RTN4RL2: variants seen among roughly 807,000 people sequenced by gnomAD.
RTN4RL2 encodes reticulon-4 receptor-like 2.
In RTN4RL2, 9 loss-of-function variants were observed where a neutral mutation model predicts 27.8. The observed-to-expected ratio is 0.32, with a 90% CI of 0.20 to 0.57. The LOEUF (loss-of-function observed/expected upper bound fraction) is 0.57. Ranked by LOEUF, RTN4RL2 falls within the 20% of genes least tolerant of loss-of-function variation. The pLI, the probability that RTN4RL2 is intolerant of heterozygous loss-of-function variation, is 0.90. For synonymous variants in RTN4RL2, 285 were observed against 297.9 expected, an observed-to-expected ratio of 0.96 and a Z score of 0.45; for missense variants, 436 against 596.8, an observed-to-expected ratio of 0.73 and a Z score of 2.81.
intron 1 of RTN4RL2, among the ~76,000 whole-genome samples, chr11:57,464,092 G>A (rs997093438): frequency 6.6e-6 from 1 of 152,238 alleles, no homozygotes; most frequent in African/African-American, 2.4e-5. Flanking sequence ...GCACGGGGTC[G>A]CTCTTCAGAG....
At chr11:57,466,947 G>A (rs1943530098) in intron 1 of RTN4RL2, among the ~76,000 whole-genome samples, 1 of 152,218 alleles carries the variant, frequency 6.6e-6, no homozygotes, top group African/African-American at 2.4e-5. Flanking sequence ...CGGCCCAACT[G>A]TCAATACTGA....
At chr11:57,468,629 G>A in intron 2 of RTN4RL2, 3 of 1,536,484 alleles carry the variant, frequency 2.0e-6, no homozygotes, top group Non-Finnish European at 2.6e-6. Flanking sequence ...ACATCACGGT[G>A]AAGTAGAGAG....
chr11:57,464,589 G>A (rs1469042711), intron 1 of RTN4RL2, among the ~76,000 whole-genome samples: 1 of 152,186 alleles, frequency 6.6e-6, no homozygotes, highest in Non-Finnish European at 1.5e-5. Flanking sequence ...GACTTTTCTG[G>A]CCCTTTCCCT....
chr11:57,463,066 TAAAG>T (rs936533335), intron 1 of RTN4RL2, among the ~76,000 whole-genome samples: 1 of 152,186 alleles, frequency 6.6e-6, no homozygotes, highest in Non-Finnish European at 1.5e-5. Context: ...GGCCACCTCT[TAAAG>T]AAAGATCAGA....
chr11:57,472,731 C>T (rs1943571201), intron 2 of RTN4RL2, among the ~76,000 whole-genome samples: 1 of 152,184 alleles, frequency 6.6e-6, no homozygotes, highest in South Asian at 2.1e-4. Flanking sequence ...ATGTCTGGTA[C>T]AAAGTGAGTA....
At chr11:57,465,392 C>T (rs1590730583) in intron 1 of RTN4RL2, among the ~76,000 whole-genome samples, 1 of 152,228 alleles carries the variant, frequency 6.6e-6, no homozygotes, top group Admixed American at 6.5e-5. Flanking sequence ...AGACCCCACA[C>T]TCAAAATCAC....
At chr11:57,465,969 T>C (rs1181888138) in intron 1 of RTN4RL2, among the ~76,000 whole-genome samples, 1 of 146,386 alleles carries the variant, frequency 6.8e-6, no homozygotes, top group South Asian at 2.2e-4. Flanking sequence ...CTGAGCAACA[T>C]AGCAAGACCC....
chr11:57,476,774 G>A lies in RTN4RL2; in HGVS notation c.1126G>A (p.Gly376Ser). ...TEDDYWGGYG[G>S]EDQRGEQMCP... ...GGACGACTACTGGGGGGGCTACGGGGGTGAGGACCAGCGAGGGGAGCAGAT... is the reference window on the plus strand; with the variant it reads ...GGACGACTACTGGGGGGGCTACGGGAGTGAGGACCAGCGAGGGGAGCAGAT... The change falls in exon 3 of 3, where the codon GGT becomes AGT. Residue 376 changes from glycine (G) to serine (S), a missense_variant. Gly to Ser is a moderately conservative substitution (Grantham distance 56). Coordinates refer to ENST00000335099, the MANE Select transcript of RTN4RL2 (RefSeq NM_178570.3). This position sits in a 1 kb window ranked among gnomAD's most constrained non-coding sequence, Gnocchi z 8.2. 1.3e-6 allele frequency: 2 copies of A among 1,488,838 alleles called. No individual in the cohort carries two copies. Among genetic ancestry groups the A allele is most frequent in the Non-Finnish European group, 1.8e-6 (2 of 1,126,638 alleles). The allele number at this position is 1,488,838 out of a possible 1,614,324, so 92.2% of individuals were successfully genotyped here.
At chr11:57,464,087 G>A (rs1009620492) in intron 1 of RTN4RL2, among the ~76,000 whole-genome samples, 1 of 152,226 alleles carries the variant, frequency 6.6e-6, no homozygotes, top group Non-Finnish European at 1.5e-5. Context: ...CCCCAGCACG[G>A]GGTCGCTCTT....
chr11:57,476,762 G>A lies in RTN4RL2; in HGVS notation c.1114G>A (p.Gly372Arg), dbSNP rs765851849. The A allele has an allele frequency of 1.4e-6, 2 of 1,471,312 alleles. No homozygotes were observed. The highest frequency in any genetic ancestry group is 1.8e-6 in the Non-Finnish European group (2 of 1,118,672). The allele number at this position is 1,471,312 out of a possible 1,614,324, so 91.1% of individuals were successfully genotyped here. A position where few individuals can be genotyped will look rare whatever the true frequency, so the allele number is the denominator to read the frequency against. Residue 372 changes from glycine (G) to arginine (R), a missense_variant, in exon 3 of 3, where the codon GGG becomes AGG. Gly to Arg is a moderately radical substitution (Grantham distance 125, BLOSUM62 -2). Transcript: ENST00000335099. This position sits in a 1 kb window ranked among gnomAD's most constrained non-coding sequence, Gnocchi z 8.2. ...GDAPTEDDYWGGYGGEDQRGE... is the reference protein window; with the variant it reads ...GDAPTEDDYWRGYGGEDQRGE... The stretch of plus-strand genomic sequence containing the variant: ...CGCGCCTACTGAGGACGACTACTGG[G>A]GGGGCTACGGGGGTGAGGACCAGCG...
intron 1 of RTN4RL2, among the ~76,000 whole-genome samples, chr11:57,463,014 G>T (rs1428135673): frequency 6.6e-6 from 1 of 152,246 alleles, no homozygotes; most frequent in Non-Finnish European, 1.5e-5. Flanking sequence ...TACCTCAAGG[G>T]CAGTGTCTCA....
chr11:57,463,749 G>T (rs1009548851), intron 1 of RTN4RL2, among the ~76,000 whole-genome samples: 1 of 152,106 alleles, frequency 6.6e-6, no homozygotes, highest in East Asian at 1.9e-4. Context: ...GTGAGAACAG[G>T]GGGTGGGGAA....
chr11:57,462,270 G>A (rs183092444), intron 1 of RTN4RL2, among the ~76,000 whole-genome samples: 17 of 152,128 alleles, frequency 1.1e-4, no homozygotes, highest in African/African-American at 2.7e-4. Flanking sequence ...CTAAACCTCC[G>A]TCACCCGCGT....
At position 57,468,042 on chromosome 11, in the gene RTN4RL2, C is replaced by T. The variant is rs1333014941; in HGVS notation, c.465C>T (p.Val155=). Residue 155 remains valine, a synonymous_variant, in exon 2 of 3, where the codon GTC becomes GTT. Coordinates refer to ENST00000335099, the MANE Select transcript of RTN4RL2 (RefSeq NM_178570.3). ...CCGGCAACATCTTCCGAGGCCTGGT[C>T]AGCCTGCAGTACCTCTACCTCCAGG... ...SLPGNIFRGL[V]SLQYLYLQEN... 1.3e-6 allele frequency: 2 copies of T among 1,599,866 alleles called. No individual in the cohort carries two copies. The highest frequency in any genetic ancestry group is 2.2e-5 in the East Asian group (1 of 44,852).
chr11:57,468,137 C>G, intron 2 of RTN4RL2, 47 bp downstream of exon 2: 7 of 1,537,946 alleles, frequency 4.6e-6, no homozygotes, highest in South Asian at 2.5e-5. Flanking sequence ...GGTTTCCTCT[C>G]TCTGTGGGCC....
At chr11:57,463,425 T>C (rs1279406308) in intron 1 of RTN4RL2, among the ~76,000 whole-genome samples, 3 of 151,800 alleles carry the variant, frequency 2.0e-5, no homozygotes, top group African/African-American at 7.3e-5. Context: ...CCTCTGTCCA[T>C]GAAGTAGTGG....
rs541265217 is a variant in RTN4RL2 at position 57,468,739 on chromosome 11, C to T, written c.513+649C>T. ...GAGAAGCCCACACCCCTTCTAGATT[C>T]CCATTTTCCAAACCTGTCATCTCAA... On this transcript the variant is annotated intron_variant, in intron 2 of 2. Transcript: ENST00000335099. The T allele has an allele frequency of 5.9e-6, 9 of 1,536,028 alleles. No homozygotes were observed. In the South Asian group the frequency reaches 9.5e-5, roughly 16 times the overall value.
In RTN4RL2 at chr11:57,476,986, A is replaced by C. The variant is rs1943602360; in HGVS notation, c.*75A>C. Reference sequence around the variant, plus strand: ...CACCCGGGGCTGCGGCTCCGGCCCCAGTCGCCCCACCTTCCCTGGCCTTGC... The same window carrying C: ...CACCCGGGGCTGCGGCTCCGGCCCCCGTCGCCCCACCTTCCCTGGCCTTGC... On this transcript the variant is annotated 3_prime_UTR_variant, in exon 3 of 3. Coordinates refer to ENST00000335099, the MANE Select transcript of RTN4RL2 (RefSeq NM_178570.3). The surrounding 1 kb of genome is among the most constrained non-coding windows in gnomAD (Gnocchi z 8.2). 7.0e-7 allele frequency: 1 copy of C among 1,431,818 alleles called. No individual in the cohort carries two copies. The highest frequency in any genetic ancestry group is 9.2e-7 in the Non-Finnish European group (1 of 1,083,078). The allele number at this position is 1,431,818 out of a possible 1,614,324, so 88.7% of individuals were successfully genotyped here.
intron 1 of RTN4RL2, among the ~76,000 whole-genome samples, chr11:57,463,059 C>T (rs546741812): frequency 6.6e-6 from 1 of 152,280 alleles, no homozygotes; most frequent in African/African-American, 2.4e-5. Context: ...AGGATGTGGC[C>T]ACCTCTTAAA....
Sources: allele counts gnomAD v4.1 joint callset (sites outside exome capture counted in the v4.1 genomes callset), GRCh38; gene constraint gnomAD v4.1.1; non-coding constraint Gnocchi (gnomAD v3.1); transcripts MANE v1.5; gene names NCBI Gene and HGNC (gene_info 2026-07-23, HGNC 2026-07-21).